The following CDKN3 variants were observed in gnomAD, a reference collection of about 807,000 sequenced individuals.
CDKN3 encodes cyclin dependent kinase inhibitor 3, also known as cyclin-dependent kinase inhibitor 3.
Under a neutral mutation model 36.1 loss-of-function variants are expected in CDKN3, and 19 were observed. The ratio of observed to expected loss-of-function variants is 0.53; its 90% CI spans 0.37 to 0.77. The LOEUF is 0.77. Among genes scored for constraint, CDKN3 ranks in the 30% least tolerant of loss-of-function variants. CDKN3 has a pLI of 0.00. For synonymous variants in CDKN3, 71 were observed against 85.3 expected (o/e 0.83, Z 0.92); for missense variants, 188 against 248.6 (o/e 0.76, Z 1.64).
At chr14:54,406,979 T>C (rs538119235) in intron 3 of CDKN3, among the ~76,000 whole-genome samples, 1 of 152,328 alleles carries the variant, frequency 6.6e-6, no homozygotes, top group East Asian at 1.9e-4. Flanking sequence ...TTCGCGGATT[T>C]ATCTACGTTT....
intron 1 of CDKN3, 92 bp from the exon 2 acceptor site, chr14:54,399,802 T>G: frequency 2.7e-6 from 2 of 734,802 alleles, no homozygotes. Flanking sequence ...ACATTGCAAA[T>G]ATGAATTCAG....
Position 54,409,661 on chromosome 14 carries a change from T to C in CDKN3, c.193+872T>C, listed in dbSNP as rs558606254. On this transcript the variant is annotated intron_variant, in intron 4 of 7. Coordinates refer to ENST00000335183, the MANE Select transcript of CDKN3 (RefSeq NM_005192.4). ...CAGCCTGGGCAACAAGGCAAAACCCTGTCTCTGCAAAAAATACAAAAATTA... is the reference window on the plus strand; with the variant it reads ...CAGCCTGGGCAACAAGGCAAAACCCCGTCTCTGCAAAAAATACAAAAATTA... 2.6e-5 allele frequency among the ~76,000 whole-genome samples: 4 copies of C among 152,080 alleles called. 1 individual carries two copies. In the South Asian group the frequency reaches 8.3e-4, roughly 32 times the overall value.
In CDKN3 at chr14:54,416,762, C is replaced by T. The variant is rs149986511; in HGVS notation, c.448+832C>T. Reference sequence around the variant, plus strand: ...CCCAGGAGGTCAAGGCACCAGTGAACCGAGTTTACACCACTGCACTCCAGC... The same window carrying T: ...CCCAGGAGGTCAAGGCACCAGTGAATCGAGTTTACACCACTGCACTCCAGC... On this transcript the variant is annotated intron_variant, in intron 6 of 7. Transcript: ENST00000335183. 1.8e-3 allele frequency among the ~76,000 whole-genome samples: 280 copies of T among 152,242 alleles called. 1 individual carries two copies. The highest frequency in any genetic ancestry group is 3.4e-3 in the Non-Finnish European group (230 of 68,028).
At chr14:54,402,204 CA>C (rs202192816) in intron 3 of CDKN3, among the ~76,000 whole-genome samples, 9,837 of 110,526 alleles carry the variant, frequency 0.089, 439 homozygotes, top group East Asian at 0.31. Flanking sequence ...GACTCTGTCT[CA>C]AAAAAAAAAA....
At chr14:54,414,709 CT>C (rs35670197) in intron 5 of CDKN3, among the ~76,000 whole-genome samples, 6,754 of 102,138 alleles carry the variant, frequency 0.066, 213 homozygotes, top group East Asian at 0.21. Flanking sequence ...CCGTGCCAGG[CT>C]TTTTTTTTTT....
At chr14:54,411,807 T>C in intron 5 of CDKN3, 101 bp downstream of exon 5, 1 of 789,806 alleles carries the variant, frequency 1.3e-6, no homozygotes, top group Non-Finnish European at 2.2e-6. Context: ...TCATAGTTTG[T>C]TGTAAGGATT....
chr14:54,413,513 G>T (rs1296635042), intron 5 of CDKN3: 3 of 886,916 alleles, frequency 3.4e-6, no homozygotes, highest in Non-Finnish European at 5.4e-6. Context: ...GTACAAACAG[G>T]ATAGACAGTA....
At chr14:54,406,331 C>T (rs2139974442) in intron 3 of CDKN3, among the ~76,000 whole-genome samples, 1 of 152,182 alleles carries the variant, frequency 6.6e-6, no homozygotes, top group Non-Finnish European at 1.5e-5. Context: ...GGTTGCTCTT[C>T]TCGTGGAGTA....
intron 3 of CDKN3, among the ~76,000 whole-genome samples, chr14:54,404,765 C>A (rs948000390): frequency 6.6e-6 from 1 of 151,944 alleles, no homozygotes; most frequent in African/African-American, 2.4e-5. Flanking sequence ...TTAGTAGAGA[C>A]GGGGGTTTCA....
chr14:54,400,172 A>C (rs2029890329), intron 2 of CDKN3, among the ~76,000 whole-genome samples, 196 bp downstream of exon 2: 1 of 147,232 alleles, frequency 6.8e-6, no homozygotes, highest in East Asian at 2.1e-4. Flanking sequence ...TATAATACAG[A>C]ATAAGACCCT....
At chr14:54,419,828 CTAAAAGA>C (rs1009810456) in intron 7 of CDKN3, among the ~76,000 whole-genome samples, 157 bp from the exon 8 acceptor site, 1 of 152,140 alleles carries the variant, frequency 6.6e-6, no homozygotes, top group African/African-American at 2.4e-5. Flanking sequence ...TATGGCTTTA[CTAAAAGA>C]TAAAACTTCC....
chr14:54,413,976 C>A, intron 5 of CDKN3: 1 of 301,714 alleles, frequency 3.3e-6, no homozygotes, highest in Non-Finnish European at 5.5e-6. Context: ...AGAGTCCTTC[C>A]ATGCCTCTTC....
intron 3 of CDKN3, 32 bp downstream of exon 3, chr14:54,401,611 T>A: frequency 1.4e-6 from 2 of 1,402,282 alleles, no homozygotes; most frequent in Non-Finnish European, 2.0e-6. Context: ...TTCCTATCAA[T>A]ATGTATATAT....
intron 4 of CDKN3, chr14:54,411,239 A>AT (rs1237118302): frequency 1.1e-5 from 5 of 473,292 alleles, no homozygotes; most frequent in Non-Finnish European, 1.5e-5. Flanking sequence ...GCAAAAAAAA[A>AT]TTTTTTGCAA....
intron 1 of CDKN3, among the ~76,000 whole-genome samples, chr14:54,398,188 T>A (rs1454210433): frequency 6.6e-6 from 1 of 152,226 alleles, no homozygotes; most frequent in Non-Finnish European, 1.5e-5. Flanking sequence ...TCCTGTGATC[T>A]TCTAGTACCA....
At chr14:54,400,793 C>T (rs751577953) in intron 2 of CDKN3, among the ~76,000 whole-genome samples, 2 of 152,206 alleles carry the variant, frequency 1.3e-5, no homozygotes, top group African/African-American at 4.8e-5. Flanking sequence ...CTCCTGTTTT[C>T]CTTTAAATCA....
intron 3 of CDKN3, among the ~76,000 whole-genome samples, chr14:54,408,306 A>T (rs2030232608): frequency 6.6e-6 from 1 of 152,178 alleles, no homozygotes; most frequent in African/African-American, 2.4e-5. Context: ...CAACTAACAC[A>T]TCATTCTCTA....
At chr14:54,418,358 T>C in intron 7 of CDKN3, 1 of 680,658 alleles carries the variant, frequency 1.5e-6, no homozygotes. Context: ...AAGATCTTGT[T>C]ATATCACCAA....
At chr14:54,410,823 A>G (rs906266722) in intron 4 of CDKN3, among the ~76,000 whole-genome samples, 1 of 151,986 alleles carries the variant, frequency 6.6e-6, no homozygotes, top group Non-Finnish European at 1.5e-5. Flanking sequence ...CTTAATTGAT[A>G]GCACTTTTTT....
Sources: gnomAD v4.1 joint callset for allele counts (sites outside exome capture counted in the v4.1 genomes callset) on GRCh38, gnomAD v4.1.1 for gene constraint, MANE v1.5 for transcripts, NCBI Gene and HGNC (gene_info 2026-07-23, HGNC 2026-07-21) for gene names.